Variants in MBOAT2 observed in about 807,000 individuals in gnomAD.
MBOAT2 encodes the protein membrane bound glycerophospholipid O-acyltransferase 2.
MBOAT2 carries 28 observed loss-of-function variants against 63.4 expected under a neutral mutation model. The observed-to-expected ratio is 0.44, with a 90% CI of 0.33 to 0.61. MBOAT2 has a LOEUF of 0.61. Ranked by LOEUF, MBOAT2 falls within the 20% of genes least tolerant of loss-of-function variation. The pLI, the probability that MBOAT2 is intolerant of heterozygous loss-of-function variation, is 0.03. For missense variants in MBOAT2, 470 were observed against 605.8 expected (o/e 0.78, Z 2.35); for synonymous variants, 211 against 215.6 (o/e 0.98, Z 0.19).
At chr2:8,884,384 T>C (rs1362523264) in intron 5 of MBOAT2, among the ~76,000 whole-genome samples, 1 of 150,632 alleles carries the variant, frequency 6.6e-6, no homozygotes, top group Non-Finnish European at 1.5e-5. Flanking sequence ...TAGAGAACGG[T>C]AAAACATTAT....
chr2:8,906,602 T>C (rs1665352911), intron 4 of MBOAT2, among the ~76,000 whole-genome samples: 1 of 152,204 alleles, frequency 6.6e-6, no homozygotes, highest in African/African-American at 2.4e-5. Context: ...AATGTTACTG[T>C]TTTAAATGCA....
In MBOAT2 at chr2:8,940,508, G is replaced by T. The variant is rs1667974649; in HGVS notation, c.299+2679C>A. On this transcript the variant is annotated intron_variant, in intron 3 of 12. Coordinates refer to ENST00000305997, the MANE Select transcript of MBOAT2 (RefSeq NM_138799.4). Reference sequence around the variant, plus strand: ...GGGTTTCCCCATGTTGGCCAGGCTGGTCTCAAACTCCTGGCTTCAAGTGAT... The same window carrying T: ...GGGTTTCCCCATGTTGGCCAGGCTGTTCTCAAACTCCTGGCTTCAAGTGAT... Among the ~76,000 whole-genome samples, 4 of 152,232 alleles carry T rather than the reference G, an allele frequency of 2.6e-5. 1 individual carries two copies. The Middle Eastern group carries it at 0.014, about 518-fold the overall frequency.
rs1250719719 is a variant in MBOAT2 at position 8,868,568 on chromosome 2, G to A, written c.884-19C>T. ...GCATCAGCTATAGAAAACAACATTA[G>A]AAAAAAGTATTAAGAATCTCCATAA... On this transcript the variant is annotated intron_variant, in intron 8 of 12. Coordinates refer to ENST00000305997, the MANE Select transcript of MBOAT2 (RefSeq NM_138799.4). 6.3e-7 allele frequency: 1 copy of A among 1,575,844 alleles called. No homozygotes were observed. The highest frequency in any genetic ancestry group is 1.8e-5 in the Admixed American group (1 of 57,124).
chr2:8,932,503 G>C (rs1263636783), intron 3 of MBOAT2, among the ~76,000 whole-genome samples: 1 of 152,080 alleles, frequency 6.6e-6, no homozygotes, highest in African/African-American at 2.4e-5. Context: ...TATGCTAGCA[G>C]GTAAGCAAGT....
intron 1 of MBOAT2, among the ~76,000 whole-genome samples, chr2:8,977,160 A>G (rs1336347093): frequency 6.6e-6 from 1 of 152,070 alleles, no homozygotes; most frequent in Non-Finnish European, 1.5e-5. Flanking sequence ...CAAAACACCA[A>G]ATTTTACACT....
chr2:8,888,137 ATGAGT>A, intron 4 of MBOAT2, 64 bp from the exon 5 acceptor site: 2 of 1,437,468 alleles, frequency 1.4e-6, no homozygotes, highest in Non-Finnish European at 1.9e-6. Context: ...CTTATGACAT[ATGAGT>A]TAAGAGTTTA....
Position 8,855,992 on chromosome 2 carries a change from T to C in MBOAT2, c.*2687A>G, listed in dbSNP as rs1401732006. 6.6e-6 allele frequency: 1 copy of C among 152,238 alleles called. No homozygotes were observed. The highest frequency in any genetic ancestry group is 1.5e-5 in the Non-Finnish European group (1 of 68,034). The allele number at this position is 152,238 out of a possible 1,614,324, so 9.4% of individuals were successfully genotyped here. A position where few individuals can be genotyped will look rare whatever the true frequency, so the allele number is the denominator to read the frequency against. Reference sequence around the variant, plus strand: ...TAGACGTACCAGTTTAAAATTCTTCTACTGTAAGTACTAGAAGCAAAATAT... The same window carrying C: ...TAGACGTACCAGTTTAAAATTCTTCCACTGTAAGTACTAGAAGCAAAATAT... On this transcript the variant is annotated 3_prime_UTR_variant, in exon 13 of 13. Transcript: ENST00000305997.
intron 1 of MBOAT2, among the ~76,000 whole-genome samples, chr2:8,966,587 C>T (rs371065421): frequency 6.6e-6 from 1 of 152,126 alleles, no homozygotes; most frequent in Admixed American, 6.5e-5. Context: ...CAACCAACCT[C>T]GCAGCCAGTT....
intron 2 of MBOAT2, among the ~76,000 whole-genome samples, chr2:8,946,620 G>A (rs890543798): frequency 2.6e-5 from 4 of 152,078 alleles, no homozygotes; most frequent in Non-Finnish European, 5.9e-5. Flanking sequence ...TCTCTCTGGC[G>A]TATTTTGGTA....
chr2:8,940,908 G>A (rs1668008457), intron 3 of MBOAT2, among the ~76,000 whole-genome samples: 1 of 152,098 alleles, frequency 6.6e-6, no homozygotes, highest in Non-Finnish European at 1.5e-5. Context: ...CGTAATGTAA[G>A]AAATATATAC....
At chr2:8,885,552 T>C (rs1663488537) in intron 5 of MBOAT2, among the ~76,000 whole-genome samples, 1 of 152,028 alleles carries the variant, frequency 6.6e-6, no homozygotes, top group Non-Finnish European at 1.5e-5. Flanking sequence ...TGAGGTGACA[T>C]CAATGAAGCT....
chr2:8,924,839 C>T (rs1352929661), intron 3 of MBOAT2, among the ~76,000 whole-genome samples: 3 of 151,824 alleles, frequency 2.0e-5, no homozygotes, highest in African/African-American at 4.8e-5. Flanking sequence ...TGGTTTTTGG[C>T]TATTGGTATT....
chr2:8,903,717 T>C (rs924885078), intron 4 of MBOAT2, among the ~76,000 whole-genome samples: 35 of 152,352 alleles, frequency 2.3e-4, no homozygotes, highest in Non-Finnish European at 4.6e-4. Context: ...TGTATTTTAA[T>C]TTCTTAGATC....
intron 3 of MBOAT2, among the ~76,000 whole-genome samples, chr2:8,913,117 A>G (rs1485462412): frequency 6.6e-6 from 1 of 152,044 alleles, no homozygotes; most frequent in African/African-American, 2.4e-5. Flanking sequence ...CAACAAATGG[A>G]TAATTGGCTA....
At chr2:8,981,222 T>C (rs1671170788) in intron 1 of MBOAT2, among the ~76,000 whole-genome samples, 1 of 152,156 alleles carries the variant, frequency 6.6e-6, no homozygotes. Context: ...AGGCTTCTTT[T>C]TGTAATGAAA....
At chr2:8,966,400 T>G (rs1402960756) in intron 1 of MBOAT2, among the ~76,000 whole-genome samples, 1 of 152,244 alleles carries the variant, frequency 6.6e-6, no homozygotes, top group African/African-American at 2.4e-5. Context: ...GAATCTTATC[T>G]GTGGAAGTTT....
chr2:8,992,713 T>C (rs900499748), intron 1 of MBOAT2, among the ~76,000 whole-genome samples: 1 of 152,214 alleles, frequency 6.6e-6, no homozygotes. Context: ...TTCTATGAGA[T>C]GATGGATTAA....
chr2:8,908,483 A>G, intron 4 of MBOAT2, 138 bp downstream of exon 4: 1 of 579,660 alleles, frequency 1.7e-6, no homozygotes, highest in South Asian at 2.5e-5. Context: ...GAGAAATTCT[A>G]AATTTAGAAA....
At position 8,902,570 on chromosome 2, in the gene MBOAT2, G is replaced by A. The variant is rs185973514; in HGVS notation, c.395+6051C>T. Among the ~76,000 whole-genome samples, 59 of 151,882 alleles carry A rather than the reference G, an allele frequency of 3.9e-4. 1 individual carries two copies. The highest frequency in any genetic ancestry group is 9.7e-4 in the East Asian group (5 of 5,156). Reference sequence around the variant, plus strand: ...GGTGACTGTTACAGCTCTTAAAGGCGGTGCGTCTGGAGTTGTTCATTCCTC... The same window carrying A: ...GGTGACTGTTACAGCTCTTAAAGGCAGTGCGTCTGGAGTTGTTCATTCCTC... On this transcript the variant is annotated intron_variant, in intron 4 of 12. Coordinates refer to ENST00000305997, the MANE Select transcript of MBOAT2 (RefSeq NM_138799.4).
Sources: allele counts gnomAD v4.1 joint callset (sites outside exome capture counted in the v4.1 genomes callset), GRCh38; gene constraint gnomAD v4.1.1; transcripts MANE v1.5; gene names NCBI Gene and HGNC (gene_info 2026-07-23, HGNC 2026-07-21).